Variants in SDK2 observed in about 807,000 individuals in gnomAD.
The protein encoded by SDK2 is protein sidekick-2.
A neutral mutation model predicts 253.9 loss-of-function variants in SDK2; 105 were observed. That is an observed-to-expected ratio of 0.41 (90% CI 0.35 to 0.49). SDK2 has a LOEUF of 0.49. SDK2 is among the 20% of genes least tolerant of loss of function. The pLI is 0.06. For synonymous variants in SDK2, 1,249 were observed against 1,234.9 expected, an observed-to-expected ratio of 1.01 and a Z score of -0.24; for missense variants, 2,608 against 3,003.0, an observed-to-expected ratio of 0.87 and a Z score of 3.07.
chr17:73,552,581 C>T (rs896352831), intron 1 of SDK2, among the ~76,000 whole-genome samples: 15 of 152,152 alleles, frequency 9.9e-5, no homozygotes, highest in South Asian at 4.1e-4. Flanking sequence ...CTTAGATTAG[C>T]TTCTCGGCAC....
chr17:73,472,716 C>T (rs574645891), intron 2 of SDK2, among the ~76,000 whole-genome samples: 1 of 152,310 alleles, frequency 6.6e-6, no homozygotes, highest in East Asian at 1.9e-4. Flanking sequence ...CTGATGCCCA[C>T]CCAAATCTCA....
At chr17:73,405,723 C>A (rs922050922) in intron 18 of SDK2, among the ~76,000 whole-genome samples, 13 of 139,690 alleles carry the variant, frequency 9.3e-5, no homozygotes, top group Non-Finnish European at 1.7e-4. Context: ...TCTTATATAT[C>A]TTTTTTTTTT....
At chr17:73,424,292 G>A (rs2063261424) in intron 12 of SDK2, among the ~76,000 whole-genome samples, 200 bp from the exon 13 acceptor site, 1 of 152,212 alleles carries the variant, frequency 6.6e-6, no homozygotes, top group Non-Finnish European at 1.5e-5. Flanking sequence ...TTCCTGCGGG[G>A]AGGGTGCAGG....
intron 1 of SDK2, among the ~76,000 whole-genome samples, chr17:73,600,470 T>C (rs1170931257): frequency 6.6e-6 from 1 of 152,010 alleles, no homozygotes; most frequent in Non-Finnish European, 1.5e-5. Context: ...ACAGCAATCC[T>C]TGGTCCCAGG....
chr17:73,545,519 G>A (rs1363268241), intron 1 of SDK2, among the ~76,000 whole-genome samples: 1 of 152,174 alleles, frequency 6.6e-6, no homozygotes, highest in Non-Finnish European at 1.5e-5. Context: ...GGGTGCGTTT[G>A]AGCTAAACAT....
At chr17:73,539,088 C>T (rs546826204) in intron 1 of SDK2, among the ~76,000 whole-genome samples, 1 of 152,252 alleles carries the variant, frequency 6.6e-6, no homozygotes, top group African/African-American at 2.4e-5. Flanking sequence ...GTGGAGTGGC[C>T]TTATCATGCT....
chr17:73,463,693 C>T (rs1368593384), intron 3 of SDK2, among the ~76,000 whole-genome samples: 1 of 152,168 alleles, frequency 6.6e-6, no homozygotes, highest in African/African-American at 2.4e-5. Flanking sequence ...ATATAGTCTT[C>T]CGTGATTTGC....
In SDK2 at chr17:73,616,375, T is replaced by G. The variant is rs2046057394; in HGVS notation, c.64+27650A>C. On this transcript the variant is annotated intron_variant, in intron 1 of 44. Transcript: ENST00000392650. This position sits in a 1 kb window ranked among gnomAD's most constrained non-coding sequence, Gnocchi z 5.2. ...CAGCATCCCACACACACATGCAGGC[T>G]CAGGAAGGAGAAAAAAACAAGAGGG... Among the ~76,000 whole-genome samples the G allele has an allele frequency of 6.6e-6, 1 of 151,706 alleles. No homozygotes were observed. Among genetic ancestry groups the G allele is most frequent in the East Asian group, 1.9e-4 (1 of 5,148 alleles).
intron 1 of SDK2, among the ~76,000 whole-genome samples, chr17:73,592,400 T>A (rs1438150581): frequency 6.6e-6 from 1 of 152,194 alleles, no homozygotes; most frequent in Non-Finnish European, 1.5e-5. Context: ...ATGACCAAAA[T>A]GGAGTCAGAA....
intron 1 of SDK2, among the ~76,000 whole-genome samples, chr17:73,545,311 C>T (rs2044943978): frequency 6.6e-6 from 1 of 152,178 alleles, no homozygotes; most frequent in African/African-American, 2.4e-5. Flanking sequence ...GCTTCTGACC[C>T]ACCCCTACTG....
At chr17:73,517,729 C>T (rs918261206) in intron 1 of SDK2, 1 of 152,282 alleles carries the variant, frequency 6.6e-6, no homozygotes, top group African/African-American at 2.4e-5. Context: ...GTCCGTCATT[C>T]CACAGAAGGC....
rs943756043 is a variant in SDK2 at position 73,423,782 on chromosome 17, T to A, written c.1760+134A>T. Reference sequence around the variant, plus strand: ...AAGGCCTGGAAGGATGCTGGGGGTATGTCCTGAGCAAAGCTGAACAGTTCA... The same window carrying A: ...AAGGCCTGGAAGGATGCTGGGGGTAAGTCCTGAGCAAAGCTGAACAGTTCA... On this transcript the variant is annotated intron_variant, in intron 13 of 44. Coordinates refer to ENST00000392650, the MANE Select transcript of SDK2 (RefSeq NM_001144952.2). 5.0e-6 allele frequency: 4 copies of A among 807,438 alleles called. No individual in the cohort carries two copies. The African/African-American group carries it at 6.9e-5, about 14-fold the overall frequency. 50.0% of individuals were successfully genotyped at this position (807,438 alleles called of 1,614,324 possible).
At chr17:73,427,262 G>A (rs2063290877) in intron 12 of SDK2, among the ~76,000 whole-genome samples, 1 of 152,154 alleles carries the variant, frequency 6.6e-6, no homozygotes, top group African/African-American at 2.4e-5. Context: ...TAGAAGAACA[G>A]GTTAACAACA....
chr17:73,593,842 T>G (rs1316109882), intron 1 of SDK2, among the ~76,000 whole-genome samples: 1 of 152,200 alleles, frequency 6.6e-6, no homozygotes, highest in Non-Finnish European at 1.5e-5. Flanking sequence ...GGCTCCTCAC[T>G]TACCCTCCTT....
At chr17:73,373,668 T>C (rs2062754470) in intron 36 of SDK2, among the ~76,000 whole-genome samples, 1 of 152,158 alleles carries the variant, frequency 6.6e-6, no homozygotes, top group African/African-American at 2.4e-5. Context: ...CTTTTTTCTT[T>C]TTTTTTGAGT....
At chr17:73,631,273 G>A (rs558973720) in intron 1 of SDK2, among the ~76,000 whole-genome samples, 13 of 152,144 alleles carry the variant, frequency 8.5e-5, no homozygotes, top group East Asian at 3.9e-4. Flanking sequence ...CGGCCAACCC[G>A]CTCTCTGCCT....
intron 9 of SDK2, among the ~76,000 whole-genome samples, chr17:73,434,352 C>T (rs548461167): frequency 6.6e-6 from 1 of 152,366 alleles, no homozygotes; most frequent in South Asian, 2.1e-4. Flanking sequence ...CTCCTTGCCC[C>T]ATCCCAGCCC....
At chr17:73,591,064 C>T (rs1340052544) in intron 1 of SDK2, among the ~76,000 whole-genome samples, 2 of 152,086 alleles carry the variant, frequency 1.3e-5, no homozygotes, top group South Asian at 2.1e-4. Context: ...GGACTACAGG[C>T]GCCTGCCACT....
rs747174910 is a variant in SDK2, at chr17:73,383,845, C to T, written c.4705+31G>A. Reference sequence around the variant, plus strand: ...GGTGAGGGTGACCGCCCCCATCCCACCCATTCCTCTGGCTCCCAAGTGTCA... The same window carrying T: ...GGTGAGGGTGACCGCCCCCATCCCATCCATTCCTCTGGCTCCCAAGTGTCA... On this transcript the variant is annotated intron_variant, in intron 33 of 44. Coordinates refer to ENST00000392650, the MANE Select transcript of SDK2 (RefSeq NM_001144952.2). The surrounding 1 kb of genome is among the most constrained non-coding windows in gnomAD (Gnocchi z 4.3). 9.3e-6 allele frequency: 15 copies of T among 1,612,930 alleles called. 1 individual carries two copies. In the South Asian group the frequency reaches 1.6e-4, roughly 18 times the overall value.
Sources: gnomAD v4.1 joint callset for allele counts (sites outside exome capture counted in the v4.1 genomes callset) on GRCh38, gnomAD v4.1.1 for gene constraint, Gnocchi (gnomAD v3.1) non-coding constraint, MANE v1.5 for transcripts, NCBI Gene and HGNC (gene_info 2026-07-23, HGNC 2026-07-21) for gene names.